The following COPS2 variants were observed in gnomAD, a reference collection of about 807,000 sequenced individuals.
COPS2 encodes the protein COP9 signalosome complex subunit 2.
Under a neutral mutation model 66.1 loss-of-function variants are expected in COPS2, and 10 were observed. The observed-to-expected ratio is 0.15, with a 90% CI of 0.09 to 0.26. The LOEUF is 0.26. COPS2 is among the 10% of genes least tolerant of loss of function. COPS2 has a pLI of 1.00. For synonymous variants in COPS2, 179 were observed against 171.3 expected (o/e 1.04, Z -0.35); for missense variants, 215 against 513.3 (o/e 0.42, Z 5.62).
At chr15:49,146,718 T>C (rs1005609797) in intron 1 of COPS2, among the ~76,000 whole-genome samples, 22 of 152,176 alleles carry the variant, frequency 1.4e-4, no homozygotes, top group African/African-American at 5.3e-4. Context: ...CCACAAACTT[T>C]AGCAGCCTTC....
chr15:49,144,088 G>T (rs1456427649), intron 3 of COPS2, 139 bp downstream of exon 3: 1 of 653,532 alleles, frequency 1.5e-6, no homozygotes, highest in Non-Finnish European at 2.7e-6. Context: ...TATTACTATA[G>T]TCCCAACTGC....
rs77616490 is a variant in COPS2 at position 49,144,201 on chromosome 15, T to C, written c.246+26A>G. 1.2e-5 allele frequency: 17 copies of C among 1,467,388 alleles called. No individual in the cohort carries two copies. The African/African-American group carries it at 2.1e-4, about 18-fold the overall frequency. 90.9% of individuals were successfully genotyped at this position (1,467,388 alleles called of 1,614,324 possible). A position where few individuals can be genotyped will look rare whatever the true frequency, so the allele number is the denominator to read the frequency against. The stretch of plus-strand genomic sequence containing the variant: ...GTTTTTACCTACAAAATTTATTAGT[T>C]TAATTCCCCTCAAAACAAATCTTAC... On this transcript the variant is annotated intron_variant, in intron 3 of 12. Transcript: ENST00000388901.
chr15:49,134,659 A>C, intron 6 of COPS2, 145 bp from the exon 7 acceptor site: 1 of 612,734 alleles, frequency 1.6e-6, no homozygotes, highest in Non-Finnish European at 2.7e-6. Flanking sequence ...AGTACTAAGA[A>C]TACCACTTGT....
At chr15:49,155,447 G>A (rs745526465) in intron 1 of COPS2, 78 bp downstream of exon 1, 2 of 1,363,792 alleles carry the variant, frequency 1.5e-6, no homozygotes, top group Non-Finnish European at 2.1e-6. Context: ...TCTACGGGGA[G>A]AGGCCGCGGG....
intron 1 of COPS2, among the ~76,000 whole-genome samples, chr15:49,148,294 GTAATATAATA>G (rs60767317): frequency 3.3e-5 from 5 of 151,772 alleles, no homozygotes; most frequent in Non-Finnish European, 7.4e-5. Context: ...AAACAAAACC[GTAATATAATA>G]TAATATAATA....
At chr15:49,131,146 T>C (rs1222843875) in intron 9 of COPS2, among the ~76,000 whole-genome samples, 1 of 152,168 alleles carries the variant, frequency 6.6e-6, no homozygotes, top group Non-Finnish European at 1.5e-5. Flanking sequence ...AACTATTTAA[T>C]GTTTGATGTT....
At chr15:49,146,897 G>T (rs1338484906) in intron 1 of COPS2, among the ~76,000 whole-genome samples, 1 of 152,020 alleles carries the variant, frequency 6.6e-6, no homozygotes, top group Non-Finnish European at 1.5e-5. Flanking sequence ...CTCCTATCTA[G>T]TTCTCCCTCA....
intron 3 of COPS2, among the ~76,000 whole-genome samples, chr15:49,141,317 T>C (rs1024491996): frequency 2.0e-5 from 3 of 151,974 alleles, no homozygotes; most frequent in African/African-American, 7.3e-5. Flanking sequence ...AGCAACATGG[T>C]GAAACCCCGT....
intron 1 of COPS2, among the ~76,000 whole-genome samples, chr15:49,146,015 T>C (rs1225134560): frequency 3.3e-5 from 5 of 152,158 alleles, no homozygotes; most frequent in Admixed American, 1.3e-4. Context: ...TATAGTTATT[T>C]CTAAATCCAA....
intron 9 of COPS2, among the ~76,000 whole-genome samples, chr15:49,131,163 T>A (rs1217327484): frequency 6.6e-6 from 1 of 152,148 alleles, no homozygotes; most frequent in African/African-American, 2.4e-5. Context: ...TGTTTTCAAA[T>A]GAAATTGTGC....
intron 11 of COPS2, 38 bp from the exon 12 acceptor site, chr15:49,128,798 TA>T: frequency 7.6e-7 from 1 of 1,311,290 alleles, no homozygotes; most frequent in Non-Finnish European, 1.1e-6. Flanking sequence ...ATTAACATTT[TA>T]AAGACTTCAT....
chr15:49,138,930 C>A (rs1453960608), intron 4 of COPS2, among the ~76,000 whole-genome samples: 1 of 152,150 alleles, frequency 6.6e-6, no homozygotes, highest in Non-Finnish European at 1.5e-5. Flanking sequence ...TAAAAATTAT[C>A]TTAGCAAAAA....
intron 3 of COPS2, 112 bp downstream of exon 3, chr15:49,144,115 A>AAAAACACATCC (rs1184752899): frequency 5.4e-6 from 4 of 742,912 alleles, no homozygotes; most frequent in Non-Finnish European, 9.3e-6. Context: ...GACTAAATAT[A>AAAAACACATCC]AAAACACATC....
At chr15:49,154,334 T>C (rs2084391552) in intron 1 of COPS2, among the ~76,000 whole-genome samples, 1 of 152,176 alleles carries the variant, frequency 6.6e-6, no homozygotes, top group Non-Finnish European at 1.5e-5. Context: ...ACCATAACTA[T>C]TAGCGAAACT....
In COPS2 at chr15:49,123,230, G is replaced by A. The variant is rs1387964005; in HGVS notation, c.*4720C>T. Reference sequence around the variant, plus strand: ...TGCCAAAACTTTTGACAACTTCATGGGATGACGCTAGAGATTACTTTTTCT... The same window carrying A: ...TGCCAAAACTTTTGACAACTTCATGAGATGACGCTAGAGATTACTTTTTCT... On this transcript the variant is annotated 3_prime_UTR_variant, in exon 13 of 13. Transcript: ENST00000388901. 1 of 152,028 alleles carries A rather than the reference G, an allele frequency of 6.6e-6. No homozygotes were observed. Among genetic ancestry groups the A allele is most frequent in the Non-Finnish European group, 1.5e-5 (1 of 67,998 alleles). 9.4% of individuals were successfully genotyped at this position (152,028 alleles called of 1,614,324 possible).
rs577585525 is a variant in COPS2, at chr15:49,124,537, A to G, written c.*3413T>C. ...AATTGTGGTCACATAAATGAAGACCAAATGCCTTTTGCGTCACATTCTGAA... is the reference window on the plus strand; with the variant it reads ...AATTGTGGTCACATAAATGAAGACCGAATGCCTTTTGCGTCACATTCTGAA... On this transcript the variant is annotated 3_prime_UTR_variant, in exon 13 of 13. Coordinates refer to ENST00000388901, the MANE Select transcript of COPS2 (RefSeq NM_004236.4). The G allele has an allele frequency of 3.8e-4, 58 of 152,308 alleles. No individual in the cohort carries two copies. Among genetic ancestry groups the G allele is most frequent in the African/African-American group, 1.4e-3 (58 of 41,590 alleles). The allele number at this position is 152,308 out of a possible 1,614,324, so 9.4% of individuals were successfully genotyped here.
At chr15:49,132,485 A>G (rs891630808) in intron 9 of COPS2, among the ~76,000 whole-genome samples, 8 of 151,042 alleles carry the variant, frequency 5.3e-5, no homozygotes, top group African/African-American at 1.9e-4. Context: ...GGTGACCCAT[A>G]ATGTACAGTC....
chr15:49,153,000 T>G (rs1455742150), intron 1 of COPS2, among the ~76,000 whole-genome samples: 4 of 152,190 alleles, frequency 2.6e-5, no homozygotes, highest in African/African-American at 9.7e-5. Flanking sequence ...ATTGCTACAT[T>G]ACATTCTCAA....
intron 3 of COPS2, among the ~76,000 whole-genome samples, chr15:49,140,050 G>T (rs536232369): frequency 4.6e-5 from 7 of 152,024 alleles, no homozygotes; most frequent in African/African-American, 1.7e-4. Flanking sequence ...TGCATGGCGC[G>T]ATCTTGACTC....
Sources: gnomAD v4.1 joint callset for allele counts (sites outside exome capture counted in the v4.1 genomes callset) on GRCh38, gnomAD v4.1.1 for gene constraint, MANE v1.5 for transcripts, NCBI Gene and HGNC (gene_info 2026-07-23, HGNC 2026-07-21) for gene names.